CADPS2: variants seen among roughly 807,000 people sequenced by gnomAD.
CADPS2 encodes calcium-dependent secretion activator 2.
A neutral mutation model predicts 172.5 loss-of-function variants in CADPS2; 93 were observed. The observed-to-expected ratio is 0.54, with a 90% CI of 0.46 to 0.64. The LOEUF (loss-of-function observed/expected upper bound fraction) is 0.64, where lower values mean the gene tolerates loss of function less well. Among genes scored for constraint, CADPS2 ranks in the 30% least tolerant of loss-of-function variants. CADPS2 has a pLI of 0.00. For missense variants in CADPS2, 1,420 were observed against 1,565.9 expected, an observed-to-expected ratio of 0.91 and a Z score of 1.57; for synonymous variants, 546 against 555.2, an observed-to-expected ratio of 0.98 and a Z score of 0.23.
intron 1 of CADPS2, among the ~76,000 whole-genome samples, chr7:122,746,073 C>T (rs1204024399): frequency 1.3e-5 from 2 of 152,104 alleles, no homozygotes; most frequent in African/African-American, 4.8e-5. Flanking sequence ...TCTAATAGGG[C>T]TGTTGCATTA....
chr7:122,876,261 A>G (rs1350957819), intron 1 of CADPS2, among the ~76,000 whole-genome samples: 2 of 152,230 alleles, frequency 1.3e-5, no homozygotes, highest in African/African-American at 4.8e-5. Flanking sequence ...CAGAGGTTGC[A>G]GTGGGTCAGG....
intron 1 of CADPS2, among the ~76,000 whole-genome samples, chr7:122,856,009 G>C (rs986157318): frequency 2.6e-5 from 4 of 152,176 alleles, no homozygotes; most frequent in Non-Finnish European, 5.9e-5. Flanking sequence ...CCATAAGAAA[G>C]TGTCTCTGTG....
intron 6 of CADPS2, among the ~76,000 whole-genome samples, chr7:122,600,770 G>T (rs2072641763): frequency 1.3e-5 from 2 of 152,028 alleles, no homozygotes; most frequent in African/African-American, 2.4e-5. Flanking sequence ...GTTTAATAAA[G>T]AACTAATGAG....
At position 122,739,853 on chromosome 7, in the gene CADPS2, T is replaced by C. The variant is rs77864415; in HGVS notation, c.340-2785A>G. ...ATAAACCAGACTGTATACCAAGAGA[T>C]AGACCAGTGGAACAGATCGAAGAAA... On this transcript the variant is annotated intron_variant, in intron 1 of 29. Coordinates refer to ENST00000449022, the MANE Select transcript of CADPS2 (RefSeq NM_017954.11). Among the ~76,000 whole-genome samples the C allele has an allele frequency of 4.6e-3, 693 of 152,190 alleles. 5 individuals carry two copies. The highest frequency in any genetic ancestry group is 0.01 in the Middle Eastern group (3 of 294).
chr7:122,458,506 A>C (rs2054059561), intron 14 of CADPS2, among the ~76,000 whole-genome samples: 1 of 152,170 alleles, frequency 6.6e-6, no homozygotes, highest in South Asian at 2.1e-4. Flanking sequence ...GATATAAAAA[A>C]CAGATTTTCT....
At chr7:122,625,960 A>G (rs1308400685) in intron 4 of CADPS2, among the ~76,000 whole-genome samples, 2 of 152,198 alleles carry the variant, frequency 1.3e-5, no homozygotes, top group Non-Finnish European at 2.9e-5. Flanking sequence ...GCAGGGAGAA[A>G]GCCATGTAAA....
chr7:122,358,824 C>T (rs1339438809), intron 27 of CADPS2, among the ~76,000 whole-genome samples: 1 of 152,088 alleles, frequency 6.6e-6, no homozygotes, highest in Non-Finnish European at 1.5e-5. Flanking sequence ...TTGTAATCTG[C>T]CATGGTCAAA....
In CADPS2 at chr7:122,617,719, G is replaced by T. The variant is rs143717789; in HGVS notation, c.1105-2420C>A. On this transcript the variant is annotated intron_variant, in intron 5 of 29. Transcript: ENST00000449022. The stretch of plus-strand genomic sequence containing the variant: ...ATAGAGAAAGTCATGGGATCTGCTA[G>T]CCTAATATCAATGAAAGAATTCAGT... Among the ~76,000 whole-genome samples, 391 of 152,214 alleles carry T rather than the reference G, an allele frequency of 2.6e-3. 1 individual carries two copies. Among genetic ancestry groups the T allele is most frequent in the African/African-American group, 8.9e-3 (371 of 41,540 alleles).
At chr7:122,433,404 T>TG (rs1169348666) in intron 17 of CADPS2, among the ~76,000 whole-genome samples, 2 of 140,238 alleles carry the variant, frequency 1.4e-5, no homozygotes, top group Admixed American at 1.5e-4. Flanking sequence ...TGTGTTTTTT[T>TG]GGTTTTTTTT....
chr7:122,668,192 T>C (rs186693949), intron 2 of CADPS2, among the ~76,000 whole-genome samples: 2 of 152,150 alleles, frequency 1.3e-5, no homozygotes, highest in African/African-American at 4.8e-5. Context: ...TGAATGTGTC[T>C]TGGTAATTTA....
intron 3 of CADPS2, among the ~76,000 whole-genome samples, chr7:122,646,152 C>T (rs1468292558): frequency 2.0e-5 from 3 of 151,894 alleles, no homozygotes; most frequent in African/African-American, 7.3e-5. Context: ...AAAAACTGTC[C>T]TAAATTTTTA....
At chr7:122,400,895 ATGGTGACC>A (rs2045868689) in intron 20 of CADPS2, among the ~76,000 whole-genome samples, 1 of 152,224 alleles carries the variant, frequency 6.6e-6, no homozygotes, top group African/African-American at 2.4e-5. Context: ...AATATACAAT[ATGGTGACC>A]TAACAGTCCT....
Position 122,886,339 on chromosome 7 carries a change from G to T in CADPS2, c.-2C>A, listed in dbSNP as rs1824378204. 3 of 1,493,308 alleles carry T rather than the reference G, an allele frequency of 2.0e-6. No individual in the cohort carries two copies. The highest frequency in any genetic ancestry group is 1.8e-6 in the Non-Finnish European group (2 of 1,130,320). The allele number at this position is 1,493,308 out of a possible 1,614,324, so 92.5% of individuals were successfully genotyped here. Reference sequence around the variant, plus strand: ...TTCGCTGGAAGACGGGTCCAGCATGGTGCTCGGGGATCCCCGCCGCTCGGC... The same window carrying T: ...TTCGCTGGAAGACGGGTCCAGCATGTTGCTCGGGGATCCCCGCCGCTCGGC... On this transcript the variant is annotated 5_prime_UTR_variant, in exon 1 of 30. Coordinates refer to ENST00000449022, the MANE Select transcript of CADPS2 (RefSeq NM_017954.11).
intron 2 of CADPS2, among the ~76,000 whole-genome samples, chr7:122,706,937 C>A (rs955268378): frequency 6.6e-6 from 1 of 150,916 alleles, no homozygotes; most frequent in Non-Finnish European, 1.5e-5. Flanking sequence ...CCTTGGAAAC[C>A]GGAGTGGAAT....
chr7:122,742,633 T>G (rs2092545240), intron 1 of CADPS2, among the ~76,000 whole-genome samples: 1 of 152,080 alleles, frequency 6.6e-6, no homozygotes, highest in Non-Finnish European at 1.5e-5. Context: ...AAAAACAAAT[T>G]AACTCTTCTT....
intron 8 of CADPS2, among the ~76,000 whole-genome samples, chr7:122,522,531 C>T (rs1309383394): frequency 6.6e-6 from 1 of 152,068 alleles, no homozygotes; most frequent in Non-Finnish European, 1.5e-5. Context: ...TTGGGATCTC[C>T]ATCACCTCAA....
intron 2 of CADPS2, among the ~76,000 whole-genome samples, chr7:122,670,299 C>G (rs1050499192): frequency 6.6e-6 from 1 of 152,124 alleles, no homozygotes; most frequent in African/African-American, 2.4e-5. Context: ...TCAAAGAAGA[C>G]TGGGCACAGT....
chr7:122,568,809 A>G (rs1405728267), intron 7 of CADPS2, among the ~76,000 whole-genome samples: 2 of 152,180 alleles, frequency 1.3e-5, no homozygotes, highest in African/African-American at 4.8e-5. Flanking sequence ...CAAGAACCTG[A>G]GCCAAAAAGA....
chr7:122,708,740 T>C (rs2088099855), intron 2 of CADPS2, among the ~76,000 whole-genome samples: 1 of 151,670 alleles, frequency 6.6e-6, no homozygotes, highest in South Asian at 2.1e-4. Context: ...CTACATAACT[T>C]TAACAATAAA....
Sources: gnomAD v4.1 joint callset for allele counts (sites outside exome capture counted in the v4.1 genomes callset) on GRCh38, gnomAD v4.1.1 for gene constraint, MANE v1.5 for transcripts, NCBI Gene and HGNC (gene_info 2026-07-23, HGNC 2026-07-21) for gene names.